Variants in VPS13B observed in about 807,000 individuals in gnomAD.
VPS13B encodes the protein intermembrane lipid transfer protein VPS13B.
Under a neutral mutation model 426.4 loss-of-function variants are expected in VPS13B, and 285 were observed. The observed-to-expected ratio is 0.67, with a 90% CI of 0.61 to 0.74. The LOEUF (loss-of-function observed/expected upper bound fraction) is 0.74. Among genes scored for constraint, VPS13B ranks in the 30% least tolerant of loss-of-function variants. The pLI is 0.00. For missense variants in VPS13B, 4,537 were observed against 4,782.6 expected, an observed-to-expected ratio of 0.95 and a Z score of 1.51; for synonymous variants, 1,676 against 1,676.4, an observed-to-expected ratio of 1.00 and a Z score of 0.01.
chr8:99,409,927 G>A (rs1421093871), intron 21 of VPS13B, among the ~76,000 whole-genome samples: 2 of 152,074 alleles, frequency 1.3e-5, no homozygotes, highest in Non-Finnish European at 2.9e-5. Flanking sequence ...CTCAGGAATG[G>A]AAAACCAAAT....
chr8:99,092,474 A>G (rs1184719968), intron 3 of VPS13B, among the ~76,000 whole-genome samples: 10 of 152,196 alleles, frequency 6.6e-5, no homozygotes, highest in African/African-American at 2.2e-4. Context: ...AAACTGTGTA[A>G]TGGTCCACAG....
intron 31 of VPS13B, among the ~76,000 whole-genome samples, chr8:99,561,992 C>G (rs1824947176): frequency 6.6e-6 from 1 of 152,160 alleles, no homozygotes; most frequent in Non-Finnish European, 1.5e-5. Flanking sequence ...CTGCCAAACT[C>G]TTTTCAACCA....
chr8:99,673,580 T>C (rs1158829321), intron 35 of VPS13B, among the ~76,000 whole-genome samples: 1 of 152,038 alleles, frequency 6.6e-6, no homozygotes, highest in Non-Finnish European at 1.5e-5. Context: ...TTCTATTATT[T>C]TTGTAGTCTC....
chr8:99,723,347 T>C (rs1260020050), intron 39 of VPS13B, among the ~76,000 whole-genome samples: 1 of 152,150 alleles, frequency 6.6e-6, no homozygotes, highest in East Asian at 1.9e-4. Flanking sequence ...AAATCTGAAA[T>C]CTAAAATACT....
chr8:99,867,251 G>GA (rs140409321), intron 58 of VPS13B, among the ~76,000 whole-genome samples: 7 of 150,576 alleles, frequency 4.6e-5, no homozygotes, highest in Non-Finnish European at 8.9e-5. Context: ...ACTCCATCAC[G>GA]AAAAAAAAAT....
At chr8:99,792,361 A>G (rs1812584730) in intron 43 of VPS13B, among the ~76,000 whole-genome samples, 1 of 152,210 alleles carries the variant, frequency 6.6e-6, no homozygotes, top group Admixed American at 6.5e-5. Context: ...GCATTATCGG[A>G]CATGTACTCT....
intron 39 of VPS13B, among the ~76,000 whole-genome samples, chr8:99,748,711 C>G (rs1563897868): frequency 6.6e-6 from 1 of 151,828 alleles, no homozygotes; most frequent in Non-Finnish European, 1.5e-5. Flanking sequence ...TTTGTGGAGA[C>G]AGTGTTGAAG....
intron 3 of VPS13B, among the ~76,000 whole-genome samples, 189 bp downstream of exon 3, chr8:99,038,755 C>T (rs369228047): frequency 3.7e-5 from 5 of 134,626 alleles, no homozygotes; most frequent in African/African-American, 5.6e-5. Flanking sequence ...GGTGCGATCT[C>T]GGCTCACTGC....
At chr8:99,852,562 A>G (rs1296027016) in intron 55 of VPS13B, among the ~76,000 whole-genome samples, 2 of 152,346 alleles carry the variant, frequency 1.3e-5, no homozygotes, top group Admixed American at 6.5e-5. Flanking sequence ...CAGCAATGTC[A>G]TATGTTGTTA....
intron 16 of VPS13B, among the ~76,000 whole-genome samples, chr8:99,176,137 C>CT (rs1812617385): frequency 6.6e-6 from 1 of 150,832 alleles, no homozygotes; most frequent in Non-Finnish European, 1.5e-5. Flanking sequence ...ATACTATAAA[C>CT]TTTTGTTTTT....
chr8:99,231,275 T>A (rs562684221), intron 17 of VPS13B, among the ~76,000 whole-genome samples: 19 of 152,294 alleles, frequency 1.2e-4, no homozygotes, highest in Non-Finnish European at 2.5e-4. Context: ...ACTTTTTTTT[T>A]TTTCTTGTTA....
At chr8:99,031,843 C>T (rs1842520919) in intron 2 of VPS13B, among the ~76,000 whole-genome samples, 1 of 152,232 alleles carries the variant, frequency 6.6e-6, no homozygotes, top group South Asian at 2.1e-4. Flanking sequence ...GTAGAGATGC[C>T]AGGGCTATTG....
At chr8:99,522,105 T>C (rs1307181662) in intron 30 of VPS13B, among the ~76,000 whole-genome samples, 2 of 152,186 alleles carry the variant, frequency 1.3e-5, no homozygotes. Context: ...AAAAGAATAC[T>C]GTAGTTGTCC....
intron 19 of VPS13B, among the ~76,000 whole-genome samples, chr8:99,323,176 C>T (rs1330024546): frequency 6.6e-6 from 1 of 152,168 alleles, no homozygotes; most frequent in Non-Finnish European, 1.5e-5. Flanking sequence ...GATGTATACA[C>T]AACAAACTTT....
chr8:99,205,122 A>G (rs1271521126), intron 17 of VPS13B, among the ~76,000 whole-genome samples: 2 of 152,266 alleles, frequency 1.3e-5, no homozygotes, highest in Non-Finnish European at 2.9e-5. Context: ...CATCAGTGAT[A>G]GACTGGATAA....
chr8:99,699,669 T>C lies in VPS13B; in HGVS notation c.6191T>C (p.Met2064Thr). The C allele has an allele frequency of 6.2e-7, 1 of 1,614,158 alleles. No individual in the cohort carries two copies. Among genetic ancestry groups the C allele is most frequent in the Non-Finnish European group, 8.5e-7 (1 of 1,180,024 alleles). ...SEETSAMSNT[M>T]VNKDDLPVSK... ...GAGACTTCAGCCATGTCCAACACCATGGTGAATAAGGATGATCTTCCAGTC... is the reference window on the plus strand; with the variant it reads ...GAGACTTCAGCCATGTCCAACACCACGGTGAATAAGGATGATCTTCCAGTC... The change falls in exon 36 of 62, where the codon ATG becomes ACG. Residue 2064 changes from methionine to threonine, a missense_variant. Transcript: ENST00000357162.
At chr8:99,407,097 C>A (rs972743402) in intron 21 of VPS13B, among the ~76,000 whole-genome samples, 4 of 152,068 alleles carry the variant, frequency 2.6e-5, no homozygotes, top group Non-Finnish European at 2.9e-5. Context: ...TAAGTAGTAT[C>A]CTATAGCTGA....
intron 3 of VPS13B, chr8:99,093,811 A>G (rs1027171987): frequency 2.0e-5 from 3 of 152,078 alleles, no homozygotes; most frequent in Non-Finnish European, 2.9e-5. Flanking sequence ...GAATACTACA[A>G]ACACCTCTAC....
chr8:99,470,202 A>G (rs180891106), intron 24 of VPS13B, among the ~76,000 whole-genome samples: 6 of 152,298 alleles, frequency 3.9e-5, no homozygotes, highest in East Asian at 1.9e-4. Context: ...AAAGGAAAAC[A>G]TAAGATATCT....
Sources: gnomAD v4.1 joint callset for allele counts (sites outside exome capture counted in the v4.1 genomes callset) on GRCh38, gnomAD v4.1.1 for gene constraint, MANE v1.5 for transcripts, NCBI Gene and HGNC (gene_info 2026-07-23, HGNC 2026-07-21) for gene names.